ANO4: variants seen among roughly 807,000 people sequenced by gnomAD.
ANO4 encodes anoctamin-4.
A neutral mutation model predicts 141.9 loss-of-function variants in ANO4; 69 were observed. The observed-to-expected ratio is 0.49, with a 90% CI of 0.40 to 0.59. The LOEUF is 0.59. Among genes scored for constraint, ANO4 ranks in the 20% least tolerant of loss-of-function variants. ANO4 has a pLI of 0.00. For missense variants in ANO4, 894 were observed against 1,162.2 expected (o/e 0.77, Z 3.36); for synonymous variants, 350 against 394.3 (o/e 0.89, Z 1.33).
At chr12:100,989,707 A>G (rs1353983941) in intron 8 of ANO4, among the ~76,000 whole-genome samples, 1 of 147,670 alleles carries the variant, frequency 6.8e-6, no homozygotes, top group Non-Finnish European at 1.5e-5. Context: ...GGATACATGG[A>G]TACATCACCA....
intron 5 of ANO4, among the ~76,000 whole-genome samples, chr12:100,947,851 G>A (rs566402299): frequency 1.2e-4 from 18 of 152,240 alleles, no homozygotes; most frequent in African/African-American, 4.3e-4. Context: ...CTTATATTGT[G>A]TTGATTTCTG....
rs981854229 is a variant in ANO4, at chr12:100,936,969, A to G, written c.161-2346A>G. On this transcript the variant is annotated intron_variant, in intron 3 of 27. Transcript: ENST00000392977. Reference sequence around the variant, plus strand: ...AGGTCCTCTGACTTGGTTAAACGATACTTTTATCTTATTGTTCAAATATCA... The same window carrying G: ...AGGTCCTCTGACTTGGTTAAACGATGCTTTTATCTTATTGTTCAAATATCA... Among the ~76,000 whole-genome samples the G allele has an allele frequency of 3.9e-5, 6 of 152,362 alleles. No homozygotes were observed. The East Asian group carries it at 7.7e-4, about 20-fold the overall frequency.
rs1396492166 is a variant in ANO4 at position 100,892,484 on chromosome 12, C to G, written c.-140-9162C>G. ...GGACTGAACACTCTCCAGACAAAAT[C>G]AACGTAACAGAAGTCTGGCATTTGA... On this transcript the variant is annotated intron_variant, in intron 1 of 27. Transcript: ENST00000392977. 2.6e-5 allele frequency among the ~76,000 whole-genome samples: 4 copies of G among 152,258 alleles called. No homozygotes were observed. In the East Asian group the frequency reaches 7.8e-4, roughly 30 times the overall value.
chr12:100,926,173 C>A (rs1282793441), intron 3 of ANO4, among the ~76,000 whole-genome samples: 1 of 152,146 alleles, frequency 6.6e-6, no homozygotes, highest in African/African-American at 2.4e-5. Flanking sequence ...AACTACTTTG[C>A]ATTTTTAAAG....
intron 1 of ANO4, among the ~76,000 whole-genome samples, chr12:100,887,799 C>T (rs910363637): frequency 6.6e-6 from 1 of 152,176 alleles, no homozygotes; most frequent in Non-Finnish European, 1.5e-5. Flanking sequence ...TATAAACTTA[C>T]AATTGCCTAC....
At chr12:100,975,309 C>T (rs550987565) in intron 7 of ANO4, among the ~76,000 whole-genome samples, 1 of 152,080 alleles carries the variant, frequency 6.6e-6, no homozygotes, top group South Asian at 2.1e-4. Context: ...TTTCATCCCT[C>T]GCCCCCTCTT....
chr12:101,053,134 G>GCAAGTCCAAT (rs2047941714), intron 14 of ANO4, among the ~76,000 whole-genome samples: 1 of 152,192 alleles, frequency 6.6e-6, no homozygotes, highest in Admixed American at 6.5e-5. Context: ...ATAATACAGG[G>GCAAGTCCAAT]CAAGTCCAAT....
Position 100,733,662 on chromosome 12 carries a change from C to T in ANO4, c.23-112C>T, listed in dbSNP as rs944083571. 8.8e-5 allele frequency: 53 copies of T among 603,366 alleles called. 1 individual carries two copies. The highest frequency in any genetic ancestry group is 3.7e-4 in the Middle Eastern group (1 of 2,694). The allele number at this position is 603,366 out of a possible 1,614,324, so 37.4% of individuals were successfully genotyped here. ...ACCACTGAATGAGTATGAGACTACC[C>T]GTGTCATAGACAAGGAGAGCTGGTT... is the stretch of plus-strand genomic sequence containing the variant. On this transcript the variant is annotated intron_variant, in intron 1 of 29. Transcript: ENST00000644049.
chr12:100,736,823 A>G (rs892904384), intron 2 of ANO4, among the ~76,000 whole-genome samples: 1 of 152,166 alleles, frequency 6.6e-6, no homozygotes, highest in African/African-American at 2.4e-5. Context: ...CTCCAAGCCA[A>G]GGAATACCCT....
chr12:100,753,804 C>G (rs566686373), intron 3 of ANO4, among the ~76,000 whole-genome samples: 16 of 152,228 alleles, frequency 1.1e-4, no homozygotes, highest in Middle Eastern at 3.4e-3. Flanking sequence ...TCAAAAATAG[C>G]CTTTTGTTCC....
chr12:100,880,045 C>T (rs1479201609), intron 1 of ANO4, among the ~76,000 whole-genome samples: 1 of 152,120 alleles, frequency 6.6e-6, no homozygotes, highest in African/African-American at 2.4e-5. Flanking sequence ...GAAGATGGCA[C>T]ACACATGTTC....
chr12:100,920,741 C>G (rs1195713117), intron 2 of ANO4, among the ~76,000 whole-genome samples: 2 of 152,100 alleles, frequency 1.3e-5, no homozygotes, highest in Non-Finnish European at 2.9e-5. Context: ...TACCTGGGGT[C>G]TCAAGGAAAG....
In ANO4 at chr12:101,048,369, C is replaced by G. The variant is rs1306962996; in HGVS notation, c.1280C>G (p.Thr427Ser). ...ACCCACCTTTTTGACAATGGAGCCA[C>G]TGTCTTCTTTGCTGTTTTCATGGCA... ...KVTHLFDNGA[T>S]VFFAVFMAVW... The change falls in exon 14 of 28, where the codon ACT becomes AGT. Residue 427 changes from threonine to serine, a missense_variant. Coordinates refer to ENST00000392977, the MANE Select transcript of ANO4 (RefSeq NM_001286615.2). 1.2e-6 allele frequency: 2 copies of G among 1,613,696 alleles called. No homozygotes were observed. Among genetic ancestry groups the G allele is most frequent in the Non-Finnish European group, 1.7e-6 (2 of 1,179,812 alleles).
At chr12:100,856,390 G>C (rs1201619138) in intron 1 of ANO4, among the ~76,000 whole-genome samples, 1 of 152,094 alleles carries the variant, frequency 6.6e-6, no homozygotes, top group Non-Finnish European at 1.5e-5. Flanking sequence ...AGGCACACTT[G>C]CTCCCTTTTT....
chr12:100,954,789 T>G (rs1286040557), intron 5 of ANO4, among the ~76,000 whole-genome samples: 4 of 152,168 alleles, frequency 2.6e-5, no homozygotes, highest in Admixed American at 2.6e-4. Flanking sequence ...AATCACCCAG[T>G]CAGAGTTCCT....
intron 1 of ANO4, among the ~76,000 whole-genome samples, chr12:100,891,987 T>C (rs1215105385): frequency 6.6e-6 from 1 of 152,234 alleles, no homozygotes; most frequent in Non-Finnish European, 1.5e-5. Context: ...CACAAATAAC[T>C]GAGATCATGT....
chr12:100,881,300 TAAAAAAA>T (rs2039557248), intron 1 of ANO4, among the ~76,000 whole-genome samples: 1 of 146,838 alleles, frequency 6.8e-6, no homozygotes, highest in Non-Finnish European at 1.5e-5. Context: ...TAAAATAAAA[TAAAAAAA>T]GAAGAAAGGC....
chr12:100,760,209 T>G (rs185509466), intron 3 of ANO4, among the ~76,000 whole-genome samples: 19 of 152,330 alleles, frequency 1.2e-4, no homozygotes, highest in Non-Finnish European at 4.4e-5. Flanking sequence ...GAGTGACGTT[T>G]AGGAGAGATT....
chr12:100,749,792 C>T (rs1208782552), intron 3 of ANO4, among the ~76,000 whole-genome samples: 1 of 152,206 alleles, frequency 6.6e-6, no homozygotes. Context: ...ATCCATTCTT[C>T]TAGTCATCTA....
Sources: allele counts gnomAD v4.1 joint callset (sites outside exome capture counted in the v4.1 genomes callset), GRCh38; gene constraint gnomAD v4.1.1; transcripts MANE v1.5; gene names NCBI Gene and HGNC (gene_info 2026-07-23, HGNC 2026-07-21).